Variants in ABTB3 observed in about 807,000 individuals in gnomAD.
The protein encoded by ABTB3 is ankyrin repeat and BTB domain containing 3, also known as ankyrin repeat- and BTB/POZ domain-containing protein 3.
the ABTB3 span, among the ~76,000 whole-genome samples, chr12:107,494,221 A>G: frequency 6.6e-6 from 1 of 152,182 alleles, no homozygotes; most frequent in Admixed American, 6.5e-5. Flanking sequence ...TTGGAAGTCA[A>G]GGAGATCTGA....
At chr12:107,541,808 G>A in the ABTB3 span, among the ~76,000 whole-genome samples, 63 of 151,904 alleles carry the variant, frequency 4.1e-4, no homozygotes, top group Admixed American at 7.9e-4. Flanking sequence ...TACCTGTTGG[G>A]TACTATGCTG....
At chr12:107,353,606 G>T in the ABTB3 span, among the ~76,000 whole-genome samples, 1 of 152,158 alleles carries the variant, frequency 6.6e-6, no homozygotes, top group Non-Finnish European at 1.5e-5. Context: ...GCTTAGTAGG[G>T]TGTTTACTCT....
the ABTB3 span, among the ~76,000 whole-genome samples, chr12:107,365,127 A>G: frequency 1.3e-5 from 2 of 152,158 alleles, no homozygotes; most frequent in Admixed American, 6.5e-5. Flanking sequence ...AGGTTATTGA[A>G]CCTTTCTTAG....
At chr12:107,356,929 C>T in the ABTB3 span, among the ~76,000 whole-genome samples, 1 of 152,354 alleles carries the variant, frequency 6.6e-6, no homozygotes, top group African/African-American at 2.4e-5. Flanking sequence ...GGCATAGCCA[C>T]TGAAGCTGGA....
the ABTB3 span, among the ~76,000 whole-genome samples, chr12:107,508,438 C>CTTTTTT: frequency 0.013 from 872 of 69,166 alleles, 172 homozygotes; most frequent in Non-Finnish European, 0.017. Flanking sequence ...AAGATCATTT[C>CTTTTTT]TTTTTTTTTT....
At chr12:107,411,606 C>G in the ABTB3 span, among the ~76,000 whole-genome samples, 3 of 152,182 alleles carry the variant, frequency 2.0e-5, no homozygotes, top group African/African-American at 7.2e-5. Context: ...CTCTGGCTCT[C>G]CGTTGCCTCA....
At chr12:107,545,360 G>GC in the ABTB3 span, among the ~76,000 whole-genome samples, 53 of 151,752 alleles carry the variant, frequency 3.5e-4, no homozygotes, top group Non-Finnish European at 1.9e-4. Context: ...TCATTCCTCA[G>GC]CCCCCCTCAA....
chr12:107,483,860 T>A, the ABTB3 span, among the ~76,000 whole-genome samples: 24 of 152,210 alleles, frequency 1.6e-4, no homozygotes, highest in African/African-American at 2.9e-4. Context: ...CTAATTTTTT[T>A]AAAAAAGTTT....
chr12:107,581,208 C>A, the ABTB3 span: 1 of 1,534,522 alleles, frequency 6.5e-7, no homozygotes, highest in Non-Finnish European at 8.7e-7. Context: ...GTGGCGCACG[C>A]CGGCCACCGC....
the ABTB3 span, chr12:107,318,481 G>A: frequency 5.4e-3 from 838 of 155,198 alleles, 4 homozygotes; most frequent in African/African-American, 0.019. Flanking sequence ...GGCGCCGAGC[G>A]AACCAGGGCC....
At chr12:107,425,919 C>T in the ABTB3 span, among the ~76,000 whole-genome samples, 4 of 152,328 alleles carry the variant, frequency 2.6e-5, no homozygotes, top group African/African-American at 9.6e-5. Context: ...CAGTTGGGTT[C>T]GACCATCCAT....
chr12:107,523,686 T>C, the ABTB3 span, among the ~76,000 whole-genome samples: 1 of 152,130 alleles, frequency 6.6e-6, no homozygotes, highest in Non-Finnish European at 1.5e-5. Flanking sequence ...ACAAGTGGAA[T>C]GGGGTAAGGA....
chr12:107,422,592 T>C, the ABTB3 span, among the ~76,000 whole-genome samples: 2 of 152,238 alleles, frequency 1.3e-5, no homozygotes, highest in African/African-American at 4.8e-5. Context: ...GCTTGGACCT[T>C]GATGGCAGCA....
the ABTB3 span, among the ~76,000 whole-genome samples, chr12:107,538,119 A>C: frequency 6.6e-6 from 1 of 151,380 alleles, no homozygotes. Context: ...AGGGGTGCTG[A>C]CCTGTTCTGC....
chr12:107,601,524 G>A, the ABTB3 span, among the ~76,000 whole-genome samples: 1 of 152,202 alleles, frequency 6.6e-6, no homozygotes, highest in African/African-American at 2.4e-5. Context: ...GTCATAGTAT[G>A]AGGAATCCCT....
At chr12:107,358,932 C>A in the ABTB3 span, among the ~76,000 whole-genome samples, 1 of 152,166 alleles carries the variant, frequency 6.6e-6, no homozygotes, top group African/African-American at 2.4e-5. Flanking sequence ...TTCTGAAACC[C>A]ACTAAAATGT....
the ABTB3 span, among the ~76,000 whole-genome samples, chr12:107,390,443 C>T: frequency 0.017 from 2,555 of 152,286 alleles, 40 homozygotes; most frequent in Non-Finnish European, 0.022. Flanking sequence ...ATCCTCTCTT[C>T]GGGGAAGGTG....
At chr12:107,642,072 T>C in the ABTB3 span, 1 of 1,610,468 alleles carries the variant, frequency 6.2e-7, no homozygotes, top group Non-Finnish European at 8.5e-7. Flanking sequence ...TTTATCTCTT[T>C]TTTATGTCCT....
chr12:107,384,985 G>A, the ABTB3 span, among the ~76,000 whole-genome samples: 12 of 152,162 alleles, frequency 7.9e-5, no homozygotes, highest in African/African-American at 1.9e-4. Flanking sequence ...CTTTTTCTTC[G>A]CATATCTGTT....
Sources: allele counts gnomAD v4.1 joint callset (sites outside exome capture counted in the v4.1 genomes callset), GRCh38; gene constraint gnomAD v4.1.1; transcripts MANE v1.5; gene names NCBI Gene and HGNC (gene_info 2026-07-23, HGNC 2026-07-21).